Variants in CCDC141 observed in about 807,000 individuals in gnomAD.
The protein encoded by CCDC141 is coiled-coil domain containing 141, also known as coiled-coil domain-containing protein 141.
CCDC141 carries 168 observed loss-of-function variants against 181.0 expected under a neutral mutation model. That is an observed-to-expected ratio of 0.93 (90% CI 0.82 to 1.05). CCDC141 has a LOEUF of 1.05. Among genes scored for constraint, CCDC141 ranks in the 50% least tolerant of loss-of-function variants. The pLI is 0.00. For missense variants in CCDC141, 1,902 were observed against 1,788.5 expected (o/e 1.06, Z -1.14); for synonymous variants, 666 against 642.3 (o/e 1.04, Z -0.56).
chr2:178,814,985 A>G, the CCDC141 span, among the ~76,000 whole-genome samples: 1 of 152,062 alleles, frequency 6.6e-6, no homozygotes, highest in African/African-American at 2.4e-5. Flanking sequence ...GATTAAGACA[A>G]AACAGGAACA....
rs77301390 is a variant in CCDC141, at chr2:178,949,963, C to T, written c.781-5312G>A. ...GCAGTTTATTTTTCTGCAATTTGTT[C>T]TACAATATGAAATCAGATCTCTTTT... On this transcript the variant is annotated intron_variant, in intron 5 of 23. Coordinates refer to ENST00000443758, the MANE Select transcript of CCDC141 (RefSeq NM_173648.4). Among the ~76,000 whole-genome samples, 8 of 152,280 alleles carry T rather than the reference C, an allele frequency of 5.3e-5. No homozygotes were observed. In the East Asian group the frequency reaches 1.5e-3, roughly 29 times the overall value.
intron 6 of CCDC141, among the ~76,000 whole-genome samples, chr2:178,939,059 G>A (rs937594683): frequency 6.6e-6 from 1 of 152,038 alleles, no homozygotes; most frequent in African/African-American, 2.4e-5. Context: ...GCTAATTCAA[G>A]TGAGAAGAGG....
chr2:178,941,179 T>C (rs1270700353), intron 6 of CCDC141, among the ~76,000 whole-genome samples: 1 of 152,218 alleles, frequency 6.6e-6, no homozygotes, highest in African/African-American at 2.4e-5. Context: ...GATTGCTGTT[T>C]GCCTTATTCT....
chr2:179,015,105 A>G (rs1002369481), intron 2 of CCDC141, among the ~76,000 whole-genome samples: 2 of 21,354 alleles, frequency 9.4e-5, no homozygotes, highest in African/African-American at 2.2e-4. Flanking sequence ...TATATATATA[A>G]TATATATATA....
At chr2:179,025,127 T>G (rs2042798853) in intron 2 of CCDC141, among the ~76,000 whole-genome samples, 1 of 152,088 alleles carries the variant, frequency 6.6e-6, no homozygotes, top group Non-Finnish European at 1.5e-5. Flanking sequence ...TAACTTCTAC[T>G]TTAAGATCAG....
At chr2:179,015,077 TATATATATATATATATATATATATATA>T (rs2042394995) in intron 2 of CCDC141, among the ~76,000 whole-genome samples, 1 of 21,520 alleles carries the variant, frequency 4.6e-5, no homozygotes, top group South Asian at 9.5e-4. Flanking sequence ...GATATATATA[TATATATATATATATATATATATATATA>T]ATATATATAT....
rs1204459331 is a variant in CCDC141 at position 178,989,593 on chromosome 2, CAAAAAAAA to C, written c.226-10926_226-10919del. On this transcript the variant is annotated intron_variant, in intron 2 of 23. Transcript: ENST00000443758. ...TGGGTGAGAGAGCAAGACCCTGCCT[CAAAAAAAA>C]AAAAAAATAAATAAATAAATAAATA... Among the ~76,000 whole-genome samples, 627 of 76,616 alleles carry C rather than the reference CAAAAAAAA, an allele frequency of 8.2e-3. 12 individuals are homozygous for C. The highest frequency in any genetic ancestry group is 0.012 in the African/African-American group (256 of 20,710). 50.3% of individuals were successfully genotyped at this position (76,616 alleles called of 152,430 possible). A position where few individuals can be genotyped will look rare whatever the true frequency, so the allele number is the denominator to read the frequency against.
intron 6 of CCDC141, among the ~76,000 whole-genome samples, chr2:178,924,148 A>G (rs943842757): frequency 3.3e-5 from 5 of 152,348 alleles, no homozygotes; most frequent in Non-Finnish European, 5.9e-5. Flanking sequence ...GCTTGACTTC[A>G]GAATATAAGT....
intron 6 of CCDC141, among the ~76,000 whole-genome samples, chr2:178,940,000 G>C (rs192194303): frequency 9.9e-5 from 15 of 152,262 alleles, no homozygotes; most frequent in Admixed American, 3.9e-4. Context: ...TAATGCACTG[G>C]ACAGACCAAA....
intron 5 of CCDC141, among the ~76,000 whole-genome samples, chr2:178,947,758 T>C (rs1484458254): frequency 6.6e-6 from 1 of 152,224 alleles, no homozygotes; most frequent in Non-Finnish European, 1.5e-5. Context: ...CAGGGAAACC[T>C]GCACTGTCCA....
At chr2:178,866,355 G>A (rs988734192) in intron 16 of CCDC141, among the ~76,000 whole-genome samples, 4 of 152,208 alleles carry the variant, frequency 2.6e-5, no homozygotes, top group Admixed American at 1.3e-4. Context: ...GAGGATTGGA[G>A]AACAATTTAC....
intron 1 of CCDC141, among the ~76,000 whole-genome samples, chr2:179,048,827 T>C (rs1260287669): frequency 2.0e-5 from 3 of 152,178 alleles, no homozygotes; most frequent in African/African-American, 7.2e-5. Context: ...GTGAACTGTT[T>C]TGCTCAGTAT....
At chr2:179,045,626 C>G (rs566783305) in intron 2 of CCDC141, among the ~76,000 whole-genome samples, 1 of 151,510 alleles carries the variant, frequency 6.6e-6, no homozygotes, top group African/African-American at 2.4e-5. Context: ...ACAGTCCCAC[C>G]AACAGTGTAA....
chr2:178,986,175 T>A (rs1253260567), intron 2 of CCDC141, among the ~76,000 whole-genome samples: 2 of 152,176 alleles, frequency 1.3e-5, no homozygotes, highest in African/African-American at 2.4e-5. Flanking sequence ...CGCAAATCAA[T>A]AAATGTCATC....
chr2:179,009,003 CT>C (rs1417718676), intron 2 of CCDC141, among the ~76,000 whole-genome samples: 3 of 152,132 alleles, frequency 2.0e-5, no homozygotes, highest in African/African-American at 4.8e-5. Context: ...TCTCATGACC[CT>C]TTTCCCAATC....
At chr2:178,943,775 C>T (rs762290160) in intron 6 of CCDC141, among the ~76,000 whole-genome samples, 8 of 152,074 alleles carry the variant, frequency 5.3e-5, no homozygotes, top group Admixed American at 3.9e-4. Context: ...GATGTATAAA[C>T]GCACTGATTT....
At chr2:178,993,307 G>A (rs1692141239) in intron 2 of CCDC141, among the ~76,000 whole-genome samples, 1 of 152,154 alleles carries the variant, frequency 6.6e-6, no homozygotes, top group Non-Finnish European at 1.5e-5. Flanking sequence ...AGGTTTAATG[G>A]AGTACTCACA....
Position 178,878,038 on chromosome 2 carries a change from G to A in CCDC141, c.1825C>T (p.Gln609Ter). Reference sequence around the variant, plus strand: ...CTCTTCTTTAAAAATAGCTGCCACTGCTTCTCAGCCGAGTCAGAACAATGC... The same window carrying A: ...CTCTTCTTTAAAAATAGCTGCCACTACTTCTCAGCCGAGTCAGAACAATGC... The part of the protein sequence containing the change: ...AKHCSDSAEK[Q>*]WQLFLKKSFI... Residue 609 changes from glutamine (Q) to a stop codon, truncating the protein, a stop_gained, in exon 12 of 24, where the codon CAG (glutamine) becomes TAG (stop). Transcript: ENST00000443758. LOFTEE classifies it high-confidence loss of function. 1.2e-6 allele frequency: 2 copies of A among 1,613,838 alleles called. No individual in the cohort carries two copies. The highest frequency in any genetic ancestry group is 2.2e-5 in the East Asian group (1 of 44,868).
intron 2 of CCDC141, among the ~76,000 whole-genome samples, chr2:179,017,043 A>G (rs79808044): frequency 0.028 from 4,243 of 152,044 alleles, 319 homozygotes; most frequent in East Asian, 0.16. Context: ...AAATGTATTA[A>G]TCTATTCATT....
Sources: gnomAD v4.1 joint callset for allele counts (sites outside exome capture counted in the v4.1 genomes callset) on GRCh38, gnomAD v4.1.1 for gene constraint, MANE v1.5 for transcripts, NCBI Gene and HGNC (gene_info 2026-07-23, HGNC 2026-07-21) for gene names.